Variants in MAF observed in about 807,000 individuals in gnomAD.
The protein encoded by MAF is transcription factor Maf.
MAF carries 10 observed loss-of-function variants against 22.0 expected under a neutral mutation model. The ratio of observed to expected loss-of-function variants is 0.45; its 90% confidence interval spans 0.28 to 0.77. The LOEUF (loss-of-function observed/expected upper bound fraction) is 0.77. MAF is among the 30% of genes least tolerant of loss of function. The pLI is 0.12. For missense variants in MAF, 544 were observed against 548.4 expected (o/e 0.99, Z 0.08); for synonymous variants, 337 against 255.8 (o/e 1.32, Z -3.03).
the MAF span, among the ~76,000 whole-genome samples, chr16:79,483,822 A>G: frequency 1.3e-5 from 2 of 152,146 alleles, no homozygotes; most frequent in African/African-American, 4.8e-5. Context: ...CCATCCTGTG[A>G]GCAAATAAGC....
the MAF span, among the ~76,000 whole-genome samples, chr16:79,392,496 G>GGAGA: frequency 9.4e-3 from 1,399 of 148,288 alleles, 11 homozygotes; most frequent in Middle Eastern, 0.032. Flanking sequence ...AGAGATAGGA[G>GGAGA]GAGAGAGAGA....
chr16:79,242,397 G>A, the MAF span, among the ~76,000 whole-genome samples: 745 of 151,426 alleles, frequency 4.9e-3, 8 homozygotes, highest in African/African-American at 0.017. Context: ...AGCAGGGGTT[G>A]CAATCCTAGT....
the MAF span, among the ~76,000 whole-genome samples, chr16:79,375,320 C>G: frequency 8.0e-3 from 1,222 of 152,156 alleles, 18 homozygotes; most frequent in African/African-American, 0.028. Context: ...AGAGAGAATC[C>G]CTCCTCTCCT....
the MAF span, among the ~76,000 whole-genome samples, chr16:79,413,210 GTTTTT>G: frequency 1.6e-5 from 1 of 63,620 alleles, no homozygotes; most frequent in African/African-American, 5.6e-5. Flanking sequence ...GAGCTGTGCA[GTTTTT>G]TTTTTTTTTT....
chr16:79,556,055 A>T, the MAF span, among the ~76,000 whole-genome samples: 2 of 152,082 alleles, frequency 1.3e-5, no homozygotes, highest in African/African-American at 4.8e-5. Flanking sequence ...TTTAGTGATG[A>T]TTTGTTTATA....
At chr16:79,483,985 GGAAAAA>G in the MAF span, among the ~76,000 whole-genome samples, 1 of 152,144 alleles carries the variant, frequency 6.6e-6, no homozygotes, top group Non-Finnish European at 1.5e-5. Context: ...TGGTAGGGAT[GGAAAAA>G]GTGTGTTAGA....
At chr16:79,249,227 C>T in the MAF span, among the ~76,000 whole-genome samples, 1 of 152,216 alleles carries the variant, frequency 6.6e-6, no homozygotes, top group African/African-American at 2.4e-5. Flanking sequence ...CGAGACCAGC[C>T]TGACCAACAT....
the MAF span, among the ~76,000 whole-genome samples, chr16:79,449,898 A>G: frequency 6.6e-6 from 1 of 152,194 alleles, no homozygotes; most frequent in Admixed American, 6.5e-5. Flanking sequence ...AGCAGCGGCT[A>G]TGCAAGCTTA....
the MAF span, among the ~76,000 whole-genome samples, chr16:79,251,206 T>C: frequency 2.6e-5 from 4 of 152,150 alleles, no homozygotes; most frequent in African/African-American, 9.7e-5. Context: ...TGTGTCAAAA[T>C]TGGAAATTTG....
the MAF span, among the ~76,000 whole-genome samples, chr16:79,455,667 T>C: frequency 7.9e-3 from 1,209 of 152,360 alleles, 7 homozygotes; most frequent in African/African-American, 0.028. Flanking sequence ...ATTAAAAAAT[T>C]GATTTTGAAT....
chr16:79,270,094 C>T, the MAF span, among the ~76,000 whole-genome samples: 12 of 151,832 alleles, frequency 7.9e-5, no homozygotes, highest in South Asian at 2.1e-4. Flanking sequence ...TACCTCTTCT[C>T]GGGGTGGGTG....
the MAF span, among the ~76,000 whole-genome samples, chr16:79,560,683 G>C: frequency 1.5e-4 from 23 of 151,868 alleles, no homozygotes; most frequent in African/African-American, 5.3e-4. Context: ...ATATCTATCT[G>C]GGAAGATTAA....
the MAF span, among the ~76,000 whole-genome samples, chr16:79,458,300 A>G: frequency 1.3e-5 from 2 of 152,144 alleles, no homozygotes; most frequent in Non-Finnish European, 2.9e-5. Flanking sequence ...CTGAGAAGGC[A>G]TGTGTCTCTC....
the MAF span, among the ~76,000 whole-genome samples, chr16:79,314,339 G>T: frequency 5.3e-5 from 8 of 152,240 alleles, no homozygotes; most frequent in Middle Eastern, 3.4e-3. Context: ...CCTTTCATAA[G>T]TACCCCAGGG....
At chr16:79,217,844 G>C in the MAF span, among the ~76,000 whole-genome samples, 1 of 151,964 alleles carries the variant, frequency 6.6e-6, no homozygotes, top group Non-Finnish European at 1.5e-5. Flanking sequence ...TTTTAAAATG[G>C]GGTTATGAGT....
At chr16:79,565,365 C>G in the MAF span, among the ~76,000 whole-genome samples, 1 of 152,156 alleles carries the variant, frequency 6.6e-6, no homozygotes, top group Non-Finnish European at 1.5e-5. Flanking sequence ...GACTACCTGG[C>G]CATTTACAGA....
chr16:79,502,702 AATATAAATATATATATATATATATAT>A, the MAF span, among the ~76,000 whole-genome samples: 92 of 86,484 alleles, frequency 1.1e-3, 7 homozygotes, highest in East Asian at 8.1e-3. Flanking sequence ...TATAAATATA[AATATAAATATATATATATATATATAT>A]ATATATATAT....
the MAF span, among the ~76,000 whole-genome samples, chr16:79,297,851 G>A: frequency 6.6e-6 from 1 of 152,300 alleles, no homozygotes; most frequent in East Asian, 1.9e-4. Flanking sequence ...GGGTTGTTCT[G>A]TAGAGCAGGG....
the MAF span, among the ~76,000 whole-genome samples, chr16:79,383,924 G>T: frequency 6.6e-6 from 1 of 152,140 alleles, no homozygotes; most frequent in Non-Finnish European, 1.5e-5. Context: ...CCCCCCAAAA[G>T]TACAAGATAC....
Sources: allele counts gnomAD v4.1 joint callset (sites outside exome capture counted in the v4.1 genomes callset), GRCh38; gene constraint gnomAD v4.1.1; transcripts MANE v1.5; gene names NCBI Gene and HGNC (gene_info 2026-07-23, HGNC 2026-07-21).